Variants in RBM12 observed in about 807,000 individuals in gnomAD.
The protein encoded by RBM12 is RNA binding motif protein 12.
RBM12 carries 24 observed loss-of-function variants against 37.2 expected under a neutral mutation model. The observed-to-expected ratio is 0.65, with a 90% CI of 0.47 to 0.91. The LOEUF is 0.91. RBM12 is among the 40% of genes least tolerant of loss of function. The pLI, the probability that RBM12 is intolerant of heterozygous loss-of-function variation, is 0.00. For synonymous variants in RBM12, 420 were observed against 425.2 expected (o/e 0.99, Z 0.15); for missense variants, 1,061 against 1,183.2 (o/e 0.90, Z 1.52).
intron 1 of RBM12, among the ~76,000 whole-genome samples, chr20:35,662,205 T>C (rs1323900206): frequency 2.0e-5 from 3 of 152,200 alleles, no homozygotes; most frequent in African/African-American, 7.2e-5. Flanking sequence ...AAATAAGATA[T>C]TCCTCCTGTC....
chr20:35,653,245 G>T lies in RBM12; in HGVS notation c.2078C>A (p.Pro693His), dbSNP rs767545471. Residue 693 changes from proline to histidine, a missense_variant, in exon 3 of 3, where the codon CCC becomes CAC. Physicochemically the swap from Pro to His is moderately conservative, Grantham distance 77. This residue lies in a region of RBM12 where 517 missense variants were observed against 534.0 expected (regional missense o/e 0.97). Transcript: ENST00000374114. ...TSAGLPGAGM[P>H]SAGIPSAGGE... ...TCCTGCACTAGGTATTCCTGCACTG[G>T]GCATTCCCGCACCAGGCAGTCCTGC... is the stretch of plus-strand genomic sequence containing the variant. 1 of 1,613,566 alleles carries T rather than the reference G, an allele frequency of 6.2e-7. No individual in the cohort carries two copies. Among genetic ancestry groups the T allele is most frequent in the East Asian group, 2.2e-5 (1 of 44,884 alleles).
chr20:35,660,123 G>T (rs2034147738), intron 1 of RBM12, among the ~76,000 whole-genome samples: 1 of 152,180 alleles, frequency 6.6e-6, no homozygotes, highest in African/African-American at 2.4e-5. Flanking sequence ...ACCACAAAAA[G>T]CTATGCAAAT....
intron 1 of RBM12, among the ~76,000 whole-genome samples, chr20:35,661,334 C>T (rs1184804201): frequency 6.6e-6 from 1 of 152,172 alleles, no homozygotes; most frequent in African/African-American, 2.4e-5. Flanking sequence ...TGTCAGCTAG[C>T]GACTGAATGC....
At position 35,652,423 on chromosome 20, in the gene RBM12, A is replaced by C. The variant is rs576987892; in HGVS notation, c.*101T>G. 65 of 1,380,468 alleles carry C rather than the reference A, an allele frequency of 4.7e-5. No individual in the cohort carries two copies. In the African/African-American group the frequency reaches 8.4e-4, roughly 18 times the overall value. The allele number at this position is 1,380,468 out of a possible 1,614,324, so 85.5% of individuals were successfully genotyped here. On this transcript the variant is annotated 3_prime_UTR_variant, in exon 3 of 3. Transcript: ENST00000374114. ...ATGGAAACCAAGCTATATGCAATTG[A>C]AACAATCCACAGGTTCTAACCTGGA... is the stretch of plus-strand genomic sequence containing the variant.
intron 2 of RBM12, among the ~76,000 whole-genome samples, chr20:35,658,136 G>T (rs2034013197): frequency 6.6e-6 from 1 of 152,134 alleles, no homozygotes; most frequent in Admixed American, 6.5e-5. Flanking sequence ...CTGTTTGACA[G>T]CTAAGTCATT....
intron 2 of RBM12, among the ~76,000 whole-genome samples, chr20:35,657,901 A>C (rs1425837153): frequency 6.6e-6 from 1 of 152,078 alleles, no homozygotes; most frequent in Non-Finnish European, 1.5e-5. Flanking sequence ...TCTCTACTAA[A>C]AACACAAAAA....
At chr20:35,657,844 C>T (rs755256667) in intron 2 of RBM12, among the ~76,000 whole-genome samples, 2 of 151,964 alleles carry the variant, frequency 1.3e-5, no homozygotes, top group East Asian at 1.9e-4. Context: ...GTGGATCACC[C>T]GAGGTCAGGA....
At chr20:35,662,918 T>G (rs746963473) in intron 1 of RBM12, among the ~76,000 whole-genome samples, 18 of 152,350 alleles carry the variant, frequency 1.2e-4, no homozygotes, top group Non-Finnish European at 5.9e-5. Flanking sequence ...TCTAACAGAT[T>G]TGAACATAAA....
rs775334301 is a variant in RBM12 at position 35,654,648 on chromosome 20, CGGGGGCACA to C, written c.666_674del (p.Val223_Pro225del). On this transcript the variant is annotated inframe_deletion, in exon 3 of 3. Transcript: ENST00000374114. ...GTGGCACAGAAGGAACTGGGGGAATCGGGGGCACAGGAGGCACAGGAGGCAATGTAGGTA... is the reference window on the plus strand; with the variant it reads ...GTGGCACAGAAGGAACTGGGGGAATCGGAGGCACAGGAGGCAATGTAGGTA... 29 of 1,613,800 alleles carry C rather than the reference CGGGGGCACA, an allele frequency of 1.8e-5. No homozygotes were observed. The highest frequency in any genetic ancestry group is 1.3e-4 in the Admixed American group (8 of 60,018).
rs1004312360 is a variant in RBM12 at position 35,650,240 on chromosome 20, TTTTAA to T, written c.*2279_*2283del. 18 of 152,468 alleles carry T rather than the reference TTTTAA, an allele frequency of 1.2e-4. No homozygotes were observed. Among genetic ancestry groups the T allele is most frequent in the South Asian group, 4.1e-4 (2 of 4,832 alleles). The allele number at this position is 152,468 out of a possible 1,614,324, so 9.4% of individuals were successfully genotyped here. On this transcript the variant is annotated 3_prime_UTR_variant, in exon 3 of 3. Coordinates refer to ENST00000374114, the MANE Select transcript of RBM12 (RefSeq NM_006047.6). ...TCTCCAATTTCTACACAAACCGCTCTTTTAATTTATTTAATTAGATGAACAATGAA... is the reference window on the plus strand; with the variant it reads ...TCTCCAATTTCTACACAAACCGCTCTTTTATTTAATTAGATGAACAATGAA...
chr20:35,649,896 T>C lies in RBM12; in HGVS notation c.*2628A>G, dbSNP rs1343382230. 1 of 152,390 alleles carries C rather than the reference T, an allele frequency of 6.6e-6. No homozygotes were observed. Among genetic ancestry groups the C allele is most frequent in the Non-Finnish European group, 1.5e-5 (1 of 68,014 alleles). 9.4% of individuals were successfully genotyped at this position (152,390 alleles called of 1,614,324 possible). ...AAAATATCATGATAGTGTTTACAAA[T>C]GCACACAACTTTGAGCAAAGCTTTA... On this transcript the variant is annotated 3_prime_UTR_variant, in exon 3 of 3. Transcript: ENST00000374114.
chr20:35,658,285 T>C (rs977886536), intron 2 of RBM12, among the ~76,000 whole-genome samples: 4 of 152,070 alleles, frequency 2.6e-5, no homozygotes, highest in East Asian at 1.9e-4. Flanking sequence ...GAAATATAAA[T>C]AAACATATCA....
At chr20:35,659,419 G>C (rs193057717) in intron 1 of RBM12, among the ~76,000 whole-genome samples, 2 of 152,242 alleles carry the variant, frequency 1.3e-5, no homozygotes, top group East Asian at 3.9e-4. Context: ...GCACAAGTTC[G>C]CACAATAACA....
chr20:35,654,216 T>A lies in RBM12; in HGVS notation c.1107A>T (p.Gln369His). The change falls in exon 3 of 3, where the codon CAA becomes CAT. Residue 369 changes from glutamine (Q) to histidine (H), a missense_variant. Around this residue, in one of 3 missense-constraint regions of RBM12, gnomAD observed 540 missense variants for 632.7 expected, o/e 0.85. Transcript: ENST00000374114. ...ALKRNRMLMI[Q>H]RYVEVSPATE... is the part of the protein sequence containing the mutation. ...TGGCAGGGCTAACTTCCACATAGCG[T>A]TGAATCATCAGCATTCTGTTTCGTT... The A allele has an allele frequency of 6.2e-7, 1 of 1,614,250 alleles. No individual in the cohort carries two copies. The highest frequency in any genetic ancestry group is 8.5e-7 in the Non-Finnish European group (1 of 1,180,050).
intron 1 of RBM12, among the ~76,000 whole-genome samples, chr20:35,663,171 TC>T (rs1468228976): frequency 6.6e-6 from 1 of 152,222 alleles, no homozygotes; most frequent in Non-Finnish European, 1.5e-5. Context: ...CTGCACACTT[TC>T]CACTAAATCC....
chr20:35,655,081 T>C lies in RBM12; in HGVS notation c.242A>G (p.Asn81Ser), dbSNP rs752740480. The change falls in exon 3 of 3, where the codon AAT becomes AGT. Residue 81 changes from asparagine to serine, a missense_variant. Asn to Ser is a conservative substitution (Grantham distance 46). This residue lies in a region of RBM12 where 540 missense variants were observed against 632.7 expected (regional missense o/e 0.85). Transcript: ENST00000374114. ...ACGCCTACGACTCAGTTCAATCATA[T>C]TCTGCATTTCCGTCTTACTACTCAA... ...LLLSSKTEMQ[N>S]MIELSRRRFE... 6 of 1,614,202 alleles carry C rather than the reference T, an allele frequency of 3.7e-6. No individual in the cohort carries two copies.
Position 35,654,588 on chromosome 20 carries a change from C to T in RBM12, c.735G>A (p.Pro245=), listed in dbSNP as rs780857714. Residue 245 remains proline, a synonymous_variant, in exon 3 of 3, where the codon CCG becomes CCA. Transcript: ENST00000374114. ...GTGCCACAGGTGGCGGATTCAAGGG[C>T]GGCATGCCCGACATGGGTGGCAGTG... ...MTPLPPMSGM[P]PLNPPPVAPL... 1.4e-5 allele frequency: 23 copies of T among 1,614,050 alleles called. No individual in the cohort carries two copies. Among genetic ancestry groups the T allele is most frequent in the Middle Eastern group, 3.3e-4 (2 of 6,084 alleles).
rs560133915 is a variant in RBM12, at chr20:35,653,069, G to C, written c.2254C>G (p.Pro752Ala). ...CTGTTTCCAACTGAAGGCATACCAG[G>C]CCTAGCATCACCAAAGGCCCCGCCT... ...LGGGAFGDAR[P>A]GMPSVGNSGL... The change falls in exon 3 of 3, where the codon CCT becomes GCT. Residue 752 changes from proline (P) to alanine (A), a missense_variant. Physicochemically the swap from Pro to Ala is conservative, Grantham distance 27. Transcript: ENST00000374114. The C allele has an allele frequency of 1.9e-6, 3 of 1,613,928 alleles. No homozygotes were observed. In the Admixed American group the frequency reaches 5.0e-5, roughly 27 times the overall value.
At position 35,652,891 on chromosome 20, in the gene RBM12, C is replaced by G; in HGVS notation, c.2432G>C (p.Gly811Ala). The stretch of plus-strand genomic sequence containing the variant: ...CAAATGCCCAGGGGCACTTCCAAGA[C>G]CAGGAGGGCCACTTCCAAACCCCGG... The part of the protein sequence containing the change: ...GPPGFGSGPP[G>A]LGSAPGHLGG... Residue 811 changes from glycine (G) to alanine (A), a missense_variant, in exon 3 of 3, where the codon GGT becomes GCT. By Grantham distance (60) the Gly-to-Ala change is moderately conservative (BLOSUM62 0). Transcript: ENST00000374114. 6.2e-7 allele frequency: 1 copy of G among 1,613,536 alleles called. No homozygotes were observed. The highest frequency in any genetic ancestry group is 8.5e-7 in the Non-Finnish European group (1 of 1,179,898).
Sources: gnomAD v4.1 joint callset for allele counts (sites outside exome capture counted in the v4.1 genomes callset) on GRCh38, gnomAD v4.1.1 for gene constraint, gnomAD v4.1.1 regional missense constraint, MANE v1.5 for transcripts, NCBI Gene and HGNC (gene_info 2026-07-23, HGNC 2026-07-21) for gene names.